Variants in AGTPBP1 observed in about 807,000 individuals in gnomAD.
The protein encoded by AGTPBP1 is cytosolic carboxypeptidase 1.
In AGTPBP1, 70 loss-of-function variants were observed where a neutral mutation model predicts 143.9. The observed-to-expected ratio is 0.49, with a 90% CI of 0.40 to 0.59. The LOEUF (loss-of-function observed/expected upper bound fraction) is 0.59, where lower values mean the gene tolerates loss of function less well. Ranked by LOEUF, AGTPBP1 falls within the 20% of genes least tolerant of loss-of-function variation. AGTPBP1 has a pLI of 0.00. For synonymous variants in AGTPBP1, 463 were observed against 500.2 expected, an observed-to-expected ratio of 0.93 and a Z score of 0.99; for missense variants, 1,229 against 1,464.5, an observed-to-expected ratio of 0.84 and a Z score of 2.62.
the AGTPBP1 span, among the ~76,000 whole-genome samples, chr9:85,763,611 CTT>C: frequency 1.8e-4 from 28 of 151,554 alleles, 1 homozygote; most frequent in South Asian, 4.2e-3. Context: ...TATAATGTAA[CTT>C]ATATTGGGAG....
intron 2 of AGTPBP1, among the ~76,000 whole-genome samples, chr9:85,701,211 CTTTT>C (rs577823972): frequency 5.5e-5 from 8 of 145,392 alleles, no homozygotes; most frequent in African/African-American, 1.8e-4. Flanking sequence ...CACACCTGGC[CTTTT>C]TTTTTTTATT....
the AGTPBP1 span, among the ~76,000 whole-genome samples, chr9:85,805,167 C>T: frequency 2.0e-5 from 3 of 152,204 alleles, no homozygotes; most frequent in Non-Finnish European, 4.4e-5. Flanking sequence ...TCCTCTCCCC[C>T]AACTCGGGCG....
chr9:85,774,044 C>T, the AGTPBP1 span: 1 of 1,549,110 alleles, frequency 6.5e-7, no homozygotes, highest in Admixed American at 1.7e-5. Context: ...AAGGTAACTT[C>T]CCCTTTTGAC....
chr9:85,767,372 T>C, the AGTPBP1 span, among the ~76,000 whole-genome samples: 1 of 143,846 alleles, frequency 7.0e-6, no homozygotes, highest in Non-Finnish European at 1.5e-5. Context: ...TTTTTGAGAC[T>C]GAGTCTTGCT....
intron 14 of AGTPBP1, among the ~76,000 whole-genome samples, chr9:85,621,938 G>C (rs1471095881): frequency 6.6e-6 from 1 of 152,098 alleles, no homozygotes; most frequent in East Asian, 1.9e-4. Context: ...GTCACCCATA[G>C]AACCCACAAT....
At chr9:85,569,080 A>G (rs1319466801) in intron 25 of AGTPBP1, among the ~76,000 whole-genome samples, 1 of 152,166 alleles carries the variant, frequency 6.6e-6, no homozygotes, top group African/African-American at 2.4e-5. Flanking sequence ...GCAAAAGAAG[A>G]TGAAGGAAAA....
intron 1 of AGTPBP1, 52 bp from the exon 2 acceptor site, chr9:85,712,618 T>C: frequency 4.5e-6 from 4 of 892,700 alleles, no homozygotes; most frequent in Non-Finnish European, 6.5e-6. Context: ...TTTTTCTATA[T>C]ATTAGATATC....
At chr9:85,682,172 TAAAAAAAAAAAAAA>T (rs745339958) in intron 3 of AGTPBP1, among the ~76,000 whole-genome samples, 2 of 85,830 alleles carry the variant, frequency 2.3e-5, no homozygotes, top group Non-Finnish European at 2.3e-5. Flanking sequence ...TAGGATTGGT[TAAAAAAAAAAAAAA>T]AAAAAAAAAA....
Position 85,589,645 on chromosome 9 carries a change from G to A in AGTPBP1, c.2605C>T (p.Gln869Ter). 6.2e-7 allele frequency: 1 copy of A among 1,612,698 alleles called. No homozygotes were observed. The highest frequency in any genetic ancestry group is 8.5e-7 in the Non-Finnish European group (1 of 1,179,426). ...LQKLESAHNP[Q>*]QIYFRKDVLC... The stretch of plus-strand genomic sequence containing the variant: ...ACATCTTTCCGAAAATAGATTTGCT[G>A]AGGATTGTGTGCTGATTCCAATTTT... The change falls in exon 20 of 26, where the codon CAG (glutamine) becomes TAG (stop). Residue 869 changes from glutamine (Q) to a stop codon, truncating the protein, a stop_gained. Coordinates refer to ENST00000357081, the MANE Select transcript of AGTPBP1 (RefSeq NM_001330701.2). LOFTEE classifies it high-confidence loss of function.
At chr9:85,668,179 T>C (rs1330034443) in intron 8 of AGTPBP1, among the ~76,000 whole-genome samples, 1 of 152,148 alleles carries the variant, frequency 6.6e-6, no homozygotes, top group Non-Finnish European at 1.5e-5. Flanking sequence ...TCAGAGTTCA[T>C]TATATTATCC....
the AGTPBP1 span, among the ~76,000 whole-genome samples, chr9:85,764,003 A>G: frequency 6.6e-6 from 1 of 152,198 alleles, no homozygotes; most frequent in South Asian, 2.1e-4. Flanking sequence ...AACAAATTAT[A>G]TGTTTAAGCC....
At chr9:85,762,118 A>G in the AGTPBP1 span, among the ~76,000 whole-genome samples, 3 of 152,120 alleles carry the variant, frequency 2.0e-5, no homozygotes, top group African/African-American at 4.8e-5. Flanking sequence ...AAGTCAGGAA[A>G]CAACAGGTGC....
intron 3 of AGTPBP1, 78 bp downstream of exon 3, chr9:85,692,611 G>A: frequency 6.5e-7 from 1 of 1,534,228 alleles, no homozygotes; most frequent in African/African-American, 1.4e-5. Context: ...TCCATTATTA[G>A]AAGTTTGAAC....
chr9:85,581,904 AT>A (rs1163337617), intron 23 of AGTPBP1, among the ~76,000 whole-genome samples: 14 of 152,210 alleles, frequency 9.2e-5, no homozygotes, highest in Non-Finnish European at 1.5e-4. Context: ...AGCATTTTGG[AT>A]TTCAGATTTT....
the AGTPBP1 span, among the ~76,000 whole-genome samples, chr9:85,796,789 T>A: frequency 0.21 from 31,816 of 152,002 alleles, 4,352 homozygotes; most frequent in South Asian, 0.45. Context: ...CAAAAATTAA[T>A]ATTATTATTA....
At chr9:85,632,149 C>T (rs945879113) in intron 14 of AGTPBP1, among the ~76,000 whole-genome samples, 2 of 151,646 alleles carry the variant, frequency 1.3e-5, no homozygotes, top group Admixed American at 6.6e-5. Context: ...ACATACAATG[C>T]GTAATAATCA....
chr9:85,712,709 A>C lies in AGTPBP1; in HGVS notation c.-33-143T>G, dbSNP rs76252922. 2,614 of 407,274 alleles carry C rather than the reference A, an allele frequency of 6.4e-3. 64 individuals carry two copies. Among genetic ancestry groups the C allele is most frequent in the African/African-American group, 0.049 (2,363 of 48,652 alleles). The allele number at this position is 407,274 out of a possible 1,614,324, so 25.2% of individuals were successfully genotyped here. ...AACAAAAAGAGAACATTTGAGTTCT[A>C]TGTGCTTCTACTGGGTCGCTTCAGA... On this transcript the variant is annotated intron_variant, in intron 1 of 25. Transcript: ENST00000357081.
chr9:85,798,917 T>C, the AGTPBP1 span, among the ~76,000 whole-genome samples: 1 of 152,132 alleles, frequency 6.6e-6, no homozygotes, highest in Non-Finnish European at 1.5e-5. Flanking sequence ...GATACATAGG[T>C]ATACATGTGC....
rs560401627 is a variant in AGTPBP1, at chr9:85,671,894, C to G, written c.568+656G>C. Among the ~76,000 whole-genome samples, 14 of 152,278 alleles carry G rather than the reference C, an allele frequency of 9.2e-5. 1 individual carries two copies. The South Asian group carries it at 1.5e-3, about 16-fold the overall frequency. On this transcript the variant is annotated intron_variant, in intron 7 of 25. Transcript: ENST00000357081. The stretch of plus-strand genomic sequence containing the variant: ...GGTGACTATGCTACTGCATCCTTTC[C>G]TTCTAGGCTTTCTCCTCTCATCTGT...
Sources: gnomAD v4.1 joint callset for allele counts (sites outside exome capture counted in the v4.1 genomes callset) on GRCh38, gnomAD v4.1.1 for gene constraint, MANE v1.5 for transcripts, NCBI Gene and HGNC (gene_info 2026-07-23, HGNC 2026-07-21) for gene names.